Variants in COL25A1 observed in about 807,000 individuals in gnomAD.
COL25A1 encodes collagen alpha-1(XXV) chain.
COL25A1 carries 103 observed loss-of-function variants against 128.4 expected under a neutral mutation model. That is an observed-to-expected ratio of 0.80 (90% CI 0.68 to 0.94). The LOEUF is 0.94. COL25A1 is among the 40% of genes least tolerant of loss of function. The probability of loss-of-function intolerance (pLI) is 0.00; values close to 1 mark genes in which losing one functional copy is unlikely to be tolerated. For missense variants in COL25A1, 745 were observed against 840.0 expected, an observed-to-expected ratio of 0.89 and a Z score of 1.40; for synonymous variants, 279 against 277.2, an observed-to-expected ratio of 1.01 and a Z score of -0.06.
At chr4:109,150,020 CTGTGTGTATG>C (rs1421210782) in intron 3 of COL25A1, among the ~76,000 whole-genome samples, 5 of 147,150 alleles carry the variant, frequency 3.4e-5, no homozygotes, top group Non-Finnish European at 6.1e-5. Flanking sequence ...GTGTATGTAT[CTGTGTGTATG>C]TGTATGTATG....
chr4:109,004,771 G>A (rs1561008867), intron 6 of COL25A1, among the ~76,000 whole-genome samples: 2 of 152,142 alleles, frequency 1.3e-5, no homozygotes, highest in Non-Finnish European at 2.9e-5. Context: ...AAGCTGAGCA[G>A]ATGCCAGCAC....
At chr4:109,291,584 A>G (rs1724479704) in intron 3 of COL25A1, among the ~76,000 whole-genome samples, 1 of 152,092 alleles carries the variant, frequency 6.6e-6, no homozygotes, top group Admixed American at 6.6e-5. Context: ...ACTAAATATT[A>G]ACTATTCATC....
At chr4:109,198,737 T>C (rs190247319) in intron 3 of COL25A1, among the ~76,000 whole-genome samples, 43 of 152,370 alleles carry the variant, frequency 2.8e-4, no homozygotes, top group Admixed American at 2.4e-3. Context: ...GCTTCTGTTA[T>C]GCCCACACTT....
At chr4:109,147,566 C>T (rs192143369) in intron 3 of COL25A1, among the ~76,000 whole-genome samples, 117 of 152,174 alleles carry the variant, frequency 7.7e-4, no homozygotes, top group African/African-American at 2.7e-3. Context: ...TCTGTAATCC[C>T]AGCACTTTGG....
intron 3 of COL25A1, among the ~76,000 whole-genome samples, chr4:109,291,184 T>C (rs956624367): frequency 6.6e-6 from 1 of 152,146 alleles, no homozygotes; most frequent in Admixed American, 6.6e-5. Context: ...GTGCTGCTGA[T>C]GACAGTGGGC....
At chr4:108,897,773 G>C (rs1172211127) in intron 15 of COL25A1, among the ~76,000 whole-genome samples, 5 of 152,130 alleles carry the variant, frequency 3.3e-5, no homozygotes, top group East Asian at 1.9e-4. Context: ...TTCTTGGGAG[G>C]GGGGAGAAAG....
At position 109,301,891 on chromosome 4, in the gene COL25A1, C is replaced by T; in HGVS notation, c.129G>A (p.Val43=). The T allele has an allele frequency of 6.2e-7, 1 of 1,614,188 alleles. No individual in the cohort carries two copies. Among genetic ancestry groups the T allele is most frequent in the Non-Finnish European group, 8.5e-7 (1 of 1,180,048 alleles). The change falls in exon 2 of 38, where the codon GTG becomes GTA. Residue 43 remains valine, a synonymous_variant. Transcript: ENST00000399132. ...PCAVLAALLS[V]VAVVSCLYLG... is the part of the protein sequence containing the mutation. ...GGTACAGGCAAGACACCACGGCCAC[C>T]ACTGACAGGAGGGCCGCCAGGACGG...
chr4:109,141,144 G>A lies in COL25A1; in HGVS notation c.368-90965C>T, dbSNP rs188877270. On this transcript the variant is annotated intron_variant, in intron 3 of 37. Transcript: ENST00000399132. ...GTTTATTGAGAGTTTTTAGCATGCA[G>A]GGTGTTGAATTTTATTGAAGGCGTT... Among the ~76,000 whole-genome samples the A allele has an allele frequency of 4.1e-3, 617 of 152,300 alleles. 3 individuals carry two copies. Among genetic ancestry groups the A allele is most frequent in the Non-Finnish European group, 6.5e-3 (440 of 68,016 alleles).
At chr4:108,886,492 G>GTGTTTT (rs58157157) in intron 18 of COL25A1, among the ~76,000 whole-genome samples, 8,207 of 109,164 alleles carry the variant, frequency 0.075, 463 homozygotes, top group Non-Finnish European at 0.1. Context: ...GTGTGTGTGT[G>GTGTTTT]TTTAGCTCAT....
intron 3 of COL25A1, among the ~76,000 whole-genome samples, chr4:109,069,631 T>C (rs1462409741): frequency 6.6e-6 from 1 of 152,154 alleles, no homozygotes; most frequent in African/African-American, 2.4e-5. Flanking sequence ...TGGCAAACAT[T>C]TGTGACTACA....
At chr4:109,003,670 G>A (rs999897003) in intron 6 of COL25A1, among the ~76,000 whole-genome samples, 18 of 152,176 alleles carry the variant, frequency 1.2e-4, no homozygotes, top group East Asian at 3.9e-4. Flanking sequence ...GCGTGGTGGC[G>A]GACGCCTATA....
At position 109,265,518 on chromosome 4, in the gene COL25A1, CGTGTGTGTGTGTGTGTGTGTGTGT is replaced by C. The variant is rs57643656; in HGVS notation, c.367+35041_367+35064del. Reference sequence around the variant, plus strand: ...GTGTTTTCTTACAGTAATAACAGTACGTGTGTGTGTGTGTGTGTGTGTGTGTGTGTGTGTGTGTGTGTGTGTGTG... The same window carrying C: ...GTGTTTTCTTACAGTAATAACAGTACGTGTGTGTGTGTGTGTGTGTGTGTG... On this transcript the variant is annotated intron_variant, in intron 3 of 37. Coordinates refer to ENST00000399132, the MANE Select transcript of COL25A1 (RefSeq NM_198721.4). 3.2e-4 allele frequency among the ~76,000 whole-genome samples: 42 copies of C among 129,702 alleles called. No homozygotes were observed. In the East Asian group the frequency reaches 7.6e-3, roughly 23 times the overall value. 85.1% of individuals were successfully genotyped at this position (129,702 alleles called of 152,430 possible). A position where few individuals can be genotyped will look rare whatever the true frequency, so the allele number is the denominator to read the frequency against.
chr4:108,884,057 T>TGGAGAGTA (rs1560802173), intron 19 of COL25A1, 121 bp downstream of exon 19: 4 of 897,372 alleles, frequency 4.5e-6, no homozygotes, highest in Non-Finnish European at 6.9e-6. Context: ...TTGAGATGGC[T>TGGAGAGTA]GGAGAGTACT....
intron 3 of COL25A1, among the ~76,000 whole-genome samples, chr4:109,245,583 C>G (rs1780203101): frequency 6.6e-6 from 1 of 152,070 alleles, no homozygotes; most frequent in Non-Finnish European, 1.5e-5. Flanking sequence ...CACCTATAAC[C>G]ATTATATGAA....
At chr4:108,974,279 A>G (rs184645832) in intron 8 of COL25A1, 88 bp downstream of exon 8, 618 of 1,382,020 alleles carry the variant, frequency 4.5e-4, no homozygotes, top group Non-Finnish European at 4.9e-4. Flanking sequence ...TGTGGCACAA[A>G]GGCAGTTATG....
intron 6 of COL25A1, among the ~76,000 whole-genome samples, chr4:108,977,293 A>G (rs1752528362): frequency 6.6e-6 from 1 of 152,212 alleles, no homozygotes; most frequent in African/African-American, 2.4e-5. Context: ...AAACCTTTTT[A>G]TCTCTTACCC....
At position 108,918,666 on chromosome 4, in the gene COL25A1, A is replaced by C. The variant is rs190061854; in HGVS notation, c.736-450T>G. ...AGTTAAATAAGGGGCCCATGTCGCA[A>C]ACTCAAATTTGTTTTATTTTAAGCA... On this transcript the variant is annotated intron_variant, in intron 12 of 37. Coordinates refer to ENST00000399132, the MANE Select transcript of COL25A1 (RefSeq NM_198721.4). 2.0e-4 allele frequency among the ~76,000 whole-genome samples: 31 copies of C among 152,370 alleles called. No individual in the cohort carries two copies. The East Asian group carries it at 5.4e-3, about 27-fold the overall frequency.
In COL25A1 at chr4:109,067,338, A is replaced by G. The variant is rs903226295; in HGVS notation, c.368-17159T>C. On this transcript the variant is annotated intron_variant, in intron 3 of 37. Coordinates refer to ENST00000399132, the MANE Select transcript of COL25A1 (RefSeq NM_198721.4). Reference sequence around the variant, plus strand: ...TTCTTCAAATACCCATACTTTTTGAATGTATATAATGGCTGAGACTCCATT... The same window carrying G: ...TTCTTCAAATACCCATACTTTTTGAGTGTATATAATGGCTGAGACTCCATT... Among the ~76,000 whole-genome samples the G allele has an allele frequency of 7.2e-5, 11 of 152,216 alleles. 1 individual carries two copies. Among genetic ancestry groups the G allele is most frequent in the Admixed American group, 6.5e-4 (10 of 15,286 alleles).
intron 34 of COL25A1, among the ~76,000 whole-genome samples, chr4:108,824,459 AAG>A (rs1333522042): frequency 1.3e-5 from 2 of 152,244 alleles, no homozygotes; most frequent in Non-Finnish European, 2.9e-5. Context: ...ACAGAGTAGA[AAG>A]AATACCAGAA....
Sources: allele counts gnomAD v4.1 joint callset (sites outside exome capture counted in the v4.1 genomes callset), GRCh38; gene constraint gnomAD v4.1.1; transcripts MANE v1.5; gene names NCBI Gene and HGNC (gene_info 2026-07-23, HGNC 2026-07-21).